CAPRIN2: variants seen among roughly 807,000 people sequenced by gnomAD.
CAPRIN2 encodes caprin-2.
In CAPRIN2, 66 loss-of-function variants were observed where a neutral mutation model predicts 130.4. That is an observed-to-expected ratio of 0.51 (90% CI 0.42 to 0.62). The LOEUF (loss-of-function observed/expected upper bound fraction) is 0.62, where lower values mean the gene tolerates loss of function less well. CAPRIN2 is among the 20% of genes least tolerant of loss of function. The pLI, the probability that CAPRIN2 is intolerant of heterozygous loss-of-function variation, is 0.00. For missense variants in CAPRIN2, 1,185 were observed against 1,246.6 expected, an observed-to-expected ratio of 0.95 and a Z score of 0.74; for synonymous variants, 471 against 444.1, an observed-to-expected ratio of 1.06 and a Z score of -0.76.
chr12:30,728,554 C>CAA (rs11406794), intron 8 of CAPRIN2, 94 bp downstream of exon 9: 42,544 of 799,206 alleles, frequency 0.053, 22 homozygotes, highest in Middle Eastern at 0.059. Flanking sequence ...TTCTCCATCT[C>CAA]AAAAAAAAAA....
intron 3 of CAPRIN2, among the ~76,000 whole-genome samples, chr12:30,740,520 T>C (rs1660730173): frequency 1.3e-5 from 2 of 152,164 alleles, no homozygotes; most frequent in Admixed American, 6.5e-5. Context: ...ACTGCCAACA[T>C]AGAGAACCTA....
chr12:30,743,078 C>T (rs2068250500), intron 2 of CAPRIN2, among the ~76,000 whole-genome samples: 1 of 151,464 alleles, frequency 6.6e-6, no homozygotes, highest in South Asian at 2.1e-4. Context: ...TAGACCTATC[C>T]TTTCATTTTT....
In CAPRIN2 at chr12:30,712,647, A is replaced by G. The variant is rs551515643; in HGVS notation, c.2602-1018T>C. The stretch of plus-strand genomic sequence containing the variant: ...GAGGAATTAGAGCTCAAAAAGTTTC[A>G]CTAACTTATCTGAGGTCACATGGCA... On this transcript the variant is annotated intron_variant, in intron 15 of 16. Transcript: ENST00000298892. Among the ~76,000 whole-genome samples the G allele has an allele frequency of 2.0e-3, 309 of 152,044 alleles. 4 individuals carry two copies. Among genetic ancestry groups the G allele is most frequent in the African/African-American group, 7.3e-3 (301 of 41,492 alleles).
At chr12:30,753,779 A>T in exon 1 of CAPRIN2, 1 of 1,587,496 alleles carries the variant, frequency 6.3e-7, no homozygotes, top group Non-Finnish European at 8.6e-7. Flanking sequence ...TTTTAAAGTA[A>T]TTAGTGCCGC....
At chr12:30,745,272 A>G (rs1051790918) in intron 2 of CAPRIN2, among the ~76,000 whole-genome samples, 7 of 152,328 alleles carry the variant, frequency 4.6e-5, no homozygotes, top group African/African-American at 1.7e-4. Context: ...TCAGCTCTTT[A>G]TTTCAAATCC....
At chr12:30,738,090 A>G (rs2065726105) in intron 3 of CAPRIN2, among the ~76,000 whole-genome samples, 1 of 152,184 alleles carries the variant, frequency 6.6e-6, no homozygotes, top group Admixed American at 6.5e-5. Context: ...GAAAAACTTA[A>G]AAGAGGAGCC....
intron 8 of CAPRIN2, among the ~76,000 whole-genome samples, chr12:30,726,607 T>C (rs1029437188): frequency 6.6e-6 from 1 of 152,224 alleles, no homozygotes; most frequent in East Asian, 1.9e-4. Flanking sequence ...GGGCTACTGA[T>C]ATCCATCCTA....
At chr12:30,744,705 T>C (rs989953619) in intron 2 of CAPRIN2, among the ~76,000 whole-genome samples, 1 of 152,158 alleles carries the variant, frequency 6.6e-6, no homozygotes, top group Non-Finnish European at 1.5e-5. Flanking sequence ...TTAACATCCA[T>C]CATATCTGTA....
chr12:30,748,466 A>G (rs1254773594), intron 2 of CAPRIN2, among the ~76,000 whole-genome samples: 1 of 152,262 alleles, frequency 6.6e-6, no homozygotes, highest in African/African-American at 2.4e-5. Flanking sequence ...CAAGGTGTGT[A>G]CCTTCTTTTT....
chr12:30,714,915 C>CA (rs2056918259), intron 14 of CAPRIN2, 44 bp downstream of exon 16: 10 of 1,516,122 alleles, frequency 6.6e-6, no homozygotes, highest in Non-Finnish European at 2.7e-6. Flanking sequence ...AGTAAACACA[C>CA]AGACAAAATA....
chr12:30,729,158 C>T (rs1565618233), exon 8 of CAPRIN2: 2 of 1,613,966 alleles, frequency 1.2e-6, no homozygotes, highest in Non-Finnish European at 1.7e-6. Context: ...TACCAGAAGC[C>T]TCCCAGGACT....
At chr12:30,720,940 T>C (rs1486876697) in intron 11 of CAPRIN2, 25 bp from the exon 13 acceptor site, 3 of 1,493,648 alleles carry the variant, frequency 2.0e-6, no homozygotes, top group East Asian at 2.3e-5. Flanking sequence ...ATACAAAATA[T>C]TGTAAAAGGC....
At chr12:30,711,896 T>A (rs1314494192) in intron 15 of CAPRIN2, 2 of 583,122 alleles carry the variant, frequency 3.4e-6, no homozygotes, top group African/African-American at 1.8e-5. Flanking sequence ...GAGAATACTA[T>A]GTAAAAGATA....
chr12:30,711,935 A>C (rs11051041), intron 15 of CAPRIN2, among the ~76,000 whole-genome samples: 2,420 of 152,310 alleles, frequency 0.016, 64 homozygotes, highest in African/African-American at 0.055. Flanking sequence ...GAAATTTTTA[A>C]ATGTGGCATG....
exon 10 of CAPRIN2, chr12:30,724,417 G>T: frequency 6.2e-7 from 1 of 1,612,762 alleles, no homozygotes; most frequent in Non-Finnish European, 8.5e-7. Context: ...CGTTGGAATT[G>T]CACTTGAAGG....
rs747826342 is a variant in CAPRIN2, at chr12:30,733,636, TC to T, written c.884del (p.Gly295GlufsTer7). 1 of 1,610,896 alleles carries T rather than the reference TC, an allele frequency of 6.2e-7. No homozygotes were observed. Among genetic ancestry groups the T allele is most frequent in the Non-Finnish European group, 8.5e-7 (1 of 1,177,132 alleles). The stretch of plus-strand genomic sequence containing the variant: ...AGAGTAGAGAAAACTCACATGTCGT[TC>T]CTACCACTGCTTTCTCACTACCTTC... On this transcript the variant is annotated frameshift_variant, in exon 5 of 17. Coordinates refer to ENST00000298892, the Ensembl canonical transcript of CAPRIN2. LOFTEE classifies it high-confidence loss of function.
chr12:30,719,132 C>T, intron 12 of CAPRIN2: 1 of 1,614,094 alleles, frequency 6.2e-7, no homozygotes, highest in Non-Finnish European at 8.5e-7. Flanking sequence ...CTACTACTTG[C>T]TGGAGGTGAC....
At chr12:30,743,699 T>G (rs2068567344) in intron 2 of CAPRIN2, among the ~76,000 whole-genome samples, 1 of 152,194 alleles carries the variant, frequency 6.6e-6, no homozygotes, top group Non-Finnish European at 1.5e-5. Context: ...TTTAAATGAC[T>G]GCATATGTAT....
At chr12:30,733,832 T>C (rs2063543143) in intron 4 of CAPRIN2, 121 bp from the exon 6 acceptor site, 6 of 703,300 alleles carry the variant, frequency 8.5e-6, no homozygotes, top group East Asian at 5.1e-5. Context: ...TTTTGTCTTT[T>C]TGCTCTTTGG....
Sources: gnomAD v4.1 joint callset for allele counts (sites outside exome capture counted in the v4.1 genomes callset) on GRCh38, gnomAD v4.1.1 for gene constraint, MANE v1.5 for transcripts, NCBI Gene and HGNC (gene_info 2026-07-23, HGNC 2026-07-21) for gene names.